The following NCKAP5 variants were observed in gnomAD, a reference collection of about 807,000 sequenced individuals.
NCKAP5 encodes nck-associated protein 5.
In NCKAP5, 92 loss-of-function variants were observed where a neutral mutation model predicts 167.0. The ratio of observed to expected loss-of-function variants is 0.55; its 90% CI spans 0.47 to 0.66. The LOEUF (loss-of-function observed/expected upper bound fraction) is 0.66. NCKAP5 is among the 30% of genes least tolerant of loss of function. NCKAP5 has a pLI of 0.00. For synonymous variants in NCKAP5, 891 were observed against 877.4 expected (o/e 1.02, Z -0.27); for missense variants, 2,378 against 2,315.0 (o/e 1.03, Z -0.56).
At position 132,784,208 on chromosome 2, in the gene NCKAP5, T is replaced by A; in HGVS notation, c.2603A>T (p.His868Leu). 6.4e-7 allele frequency: 1 copy of A among 1,570,290 alleles called. No homozygotes were observed. Among genetic ancestry groups the A allele is most frequent in the African/African-American group, 1.4e-5 (1 of 73,346 alleles). Residue 868 changes from histidine to leucine, a missense_variant, in exon 14 of 20, where the codon CAT (histidine) becomes CTT (leucine). Coordinates refer to ENST00000409261, the MANE Select transcript of NCKAP5 (RefSeq NM_207363.3). ...ELRSDPHIPK[H>L]SAQLPHSSRM... Reference sequence around the variant, plus strand: ...GGAGCTGTGCGGAAGTTGGGCGGAATGTTTTGGAATGTGTGGATCTGATCG... The same window carrying A: ...GGAGCTGTGCGGAAGTTGGGCGGAAAGTTTTGGAATGTGTGGATCTGATCG...
intron 3 of NCKAP5, among the ~76,000 whole-genome samples, chr2:133,409,441 T>C (rs952442898): frequency 3.3e-5 from 5 of 152,204 alleles, no homozygotes; most frequent in African/African-American, 7.2e-5. Flanking sequence ...AACAGACTTA[T>C]AGGAATCAAG....
At chr2:133,293,794 G>A (rs566270387) in intron 4 of NCKAP5, among the ~76,000 whole-genome samples, 2 of 152,274 alleles carry the variant, frequency 1.3e-5, no homozygotes, top group Non-Finnish European at 1.5e-5. Flanking sequence ...ATCCTGGCAG[G>A]GGTCTGGGAC....
At chr2:133,306,066 G>A (rs955591637) in intron 3 of NCKAP5, among the ~76,000 whole-genome samples, 9 of 152,358 alleles carry the variant, frequency 5.9e-5, no homozygotes, top group African/African-American at 1.7e-4. Flanking sequence ...CACTATCATA[G>A]GATTATAAAA....
At chr2:132,953,775 A>C (rs1259626387) in intron 8 of NCKAP5, among the ~76,000 whole-genome samples, 1 of 152,214 alleles carries the variant, frequency 6.6e-6, no homozygotes, top group Non-Finnish European at 1.5e-5. Context: ...TAACTAAAAC[A>C]CAAGAATTTT....
chr2:132,998,991 G>C (rs2077695048), intron 6 of NCKAP5, among the ~76,000 whole-genome samples: 1 of 152,086 alleles, frequency 6.6e-6, no homozygotes, highest in Non-Finnish European at 1.5e-5. Flanking sequence ...TATTGGTCAA[G>C]TAGCTGCCAT....
At chr2:132,713,377 C>A (rs375673936) in intron 19 of NCKAP5, among the ~76,000 whole-genome samples, 9 of 82,850 alleles carry the variant, frequency 1.1e-4, no homozygotes, top group African/African-American at 4.7e-4. Flanking sequence ...TCAAGCCTGG[C>A]AGTATCTGGA....
intron 3 of NCKAP5, among the ~76,000 whole-genome samples, chr2:133,372,819 C>A (rs948575382): frequency 2.6e-5 from 4 of 152,188 alleles, no homozygotes; most frequent in Non-Finnish European, 4.4e-5. Context: ...ACTGCAGTCA[C>A]TGTAACTCAG....
intron 5 of NCKAP5, among the ~76,000 whole-genome samples, chr2:133,169,409 C>T (rs1434038161): frequency 6.6e-6 from 1 of 152,180 alleles, no homozygotes; most frequent in Non-Finnish European, 1.5e-5. Flanking sequence ...TTCAAGACAG[C>T]TCACCCAGGG....
rs547989966 is a variant in NCKAP5 at position 133,538,314 on chromosome 2, G to A, written c.-61-20727C>T. Reference sequence around the variant, plus strand: ...TATAATATGAATTCAAACTAAAGAAGTCAAATTAGGTGAGTGGCTCTTAAA... The same window carrying A: ...TATAATATGAATTCAAACTAAAGAAATCAAATTAGGTGAGTGGCTCTTAAA... On this transcript the variant is annotated intron_variant, in intron 2 of 19. Coordinates refer to ENST00000409261, the MANE Select transcript of NCKAP5 (RefSeq NM_207363.3). Among the ~76,000 whole-genome samples, 28 of 152,240 alleles carry A rather than the reference G, an allele frequency of 1.8e-4. No homozygotes were observed. In the East Asian group the frequency reaches 5.2e-3, roughly 28 times the overall value.
At chr2:133,499,158 C>A (rs1682250324) in intron 3 of NCKAP5, among the ~76,000 whole-genome samples, 1 of 152,186 alleles carries the variant, frequency 6.6e-6, no homozygotes, top group South Asian at 2.1e-4. Flanking sequence ...TGTGATTTTG[C>A]AGATGTGGTT....
At chr2:133,152,089 T>C (rs2149890845) in intron 5 of NCKAP5, among the ~76,000 whole-genome samples, 1 of 152,324 alleles carries the variant, frequency 6.6e-6, no homozygotes, top group South Asian at 2.1e-4. Flanking sequence ...ATTATTGAGA[T>C]GAAGACAAGT....
chr2:133,309,804 T>C (rs1456500500), intron 3 of NCKAP5, among the ~76,000 whole-genome samples: 1 of 152,220 alleles, frequency 6.6e-6, no homozygotes, highest in Non-Finnish European at 1.5e-5. Context: ...TCTAATGATG[T>C]GAGGATCTTA....
chr2:133,165,064 C>T (rs113676635), intron 5 of NCKAP5, among the ~76,000 whole-genome samples: 10 of 137,780 alleles, frequency 7.3e-5, no homozygotes, highest in South Asian at 2.4e-4. Flanking sequence ...TTGAAACTTT[C>T]GGGTGTCACA....
chr2:132,853,866 CATCT>C (rs1415168963), intron 11 of NCKAP5, among the ~76,000 whole-genome samples: 3 of 152,160 alleles, frequency 2.0e-5, no homozygotes, highest in African/African-American at 7.2e-5. Flanking sequence ...TATCCTGACC[CATCT>C]AAACATAATA....
Position 132,925,549 on chromosome 2 carries a change from G to A in NCKAP5, c.579+38171C>T, listed in dbSNP as rs185194275. ...TGCACTCCAGCCTGGGTGATAGAGC[G>A]AGACTCCGTCTCAAAAAAAAAAAAA... On this transcript the variant is annotated intron_variant, in intron 8 of 19. Coordinates refer to ENST00000409261, the MANE Select transcript of NCKAP5 (RefSeq NM_207363.3). Among the ~76,000 whole-genome samples the A allele has an allele frequency of 2.0e-4, 28 of 138,346 alleles. No homozygotes were observed. In the East Asian group the frequency reaches 4.6e-3, roughly 23 times the overall value. 90.8% of individuals were successfully genotyped at this position (138,346 alleles called of 152,430 possible).
intron 19 of NCKAP5, among the ~76,000 whole-genome samples, chr2:132,686,038 G>T (rs1685893827): frequency 6.6e-6 from 1 of 152,172 alleles, no homozygotes; most frequent in African/African-American, 2.4e-5. Flanking sequence ...GCAAGCTCAG[G>T]AATCAATGGG....
At chr2:132,770,203 C>T (rs997111570) in intron 16 of NCKAP5, among the ~76,000 whole-genome samples, 15 of 151,982 alleles carry the variant, frequency 9.9e-5, no homozygotes, top group African/African-American at 3.4e-4. Flanking sequence ...TGCCTGAGTT[C>T]TTGTTACAAT....
At chr2:132,941,485 ATTCT>A (rs10604022) in intron 8 of NCKAP5, among the ~76,000 whole-genome samples, 98,383 of 151,676 alleles carry the variant, frequency 0.65, 32,943 homozygotes, top group South Asian at 0.74. Flanking sequence ...CTGGAATGAC[ATTCT>A]TTCCACTGGG....
intron 11 of NCKAP5, among the ~76,000 whole-genome samples, chr2:132,837,930 T>G (rs890035384): frequency 4.6e-5 from 7 of 151,452 alleles, no homozygotes; most frequent in African/African-American, 1.5e-4. Flanking sequence ...TGGGTGGTGG[T>G]GTTCTGGCAG....
Sources: allele counts gnomAD v4.1 joint callset (sites outside exome capture counted in the v4.1 genomes callset), GRCh38; gene constraint gnomAD v4.1.1; transcripts MANE v1.5; gene names NCBI Gene and HGNC (gene_info 2026-07-23, HGNC 2026-07-21).